The following TTC28 variants were observed in gnomAD, a reference collection of about 807,000 sequenced individuals.
TTC28 encodes tetratricopeptide repeat protein 28.
Under a neutral mutation model 198.0 loss-of-function variants are expected in TTC28, and 61 were observed. The ratio of observed to expected loss-of-function variants is 0.31; its 90% CI spans 0.25 to 0.38. TTC28 has a LOEUF of 0.38. Ranked by LOEUF, TTC28 falls within the 10% of genes least tolerant of loss-of-function variation. TTC28 has a pLI of 1.00. For missense variants in TTC28, 2,678 were observed against 3,164.0 expected (o/e 0.85, Z 3.69); for synonymous variants, 1,171 against 1,297.8 (o/e 0.90, Z 2.10).
chr22:28,528,135 T>A (rs530452317), intron 2 of TTC28, among the ~76,000 whole-genome samples: 259 of 152,332 alleles, frequency 1.7e-3, no homozygotes, highest in African/African-American at 5.9e-3. Context: ...TGGGGTAGAA[T>A]GAAAAGCACA....
intron 5 of TTC28, among the ~76,000 whole-genome samples, chr22:28,252,251 C>T (rs1290031515): frequency 2.0e-5 from 3 of 152,200 alleles, no homozygotes; most frequent in Non-Finnish European, 2.9e-5. Context: ...CTAACAAAAA[C>T]AGAGCTTTAA....
intron 7 of TTC28, among the ~76,000 whole-genome samples, chr22:28,106,056 G>A (rs1435302148): frequency 2.0e-5 from 3 of 152,166 alleles, no homozygotes; most frequent in Non-Finnish European, 2.9e-5. Flanking sequence ...CACCCCAGAG[G>A]AAACATAAAA....
intron 1 of TTC28, among the ~76,000 whole-genome samples, chr22:28,633,287 A>AAAAAAG (rs532563718): frequency 3.3e-5 from 5 of 151,758 alleles, no homozygotes; most frequent in Admixed American, 6.6e-5. Context: ...TCTCAAAAAA[A>AAAAAAG]AAAAAGAAAA....
At chr22:28,158,527 T>C (rs1487445157) in intron 6 of TTC28, among the ~76,000 whole-genome samples, 1 of 152,092 alleles carries the variant, frequency 6.6e-6, no homozygotes, top group East Asian at 1.9e-4. Context: ...TACAAAGCTA[T>C]AGTAACCAAA....
chr22:28,086,931 G>A (rs1405761852), intron 12 of TTC28, among the ~76,000 whole-genome samples: 4 of 152,030 alleles, frequency 2.6e-5, no homozygotes, highest in African/African-American at 4.8e-5. Context: ...TAAATTCCTC[G>A]ACACATACAC....
chr22:28,586,822 T>G (rs978111289), intron 2 of TTC28, among the ~76,000 whole-genome samples: 1 of 152,232 alleles, frequency 6.6e-6, no homozygotes, highest in Non-Finnish European at 1.5e-5. Context: ...ATCAAAATTC[T>G]TTGGATATCT....
chr22:28,593,431 A>G (rs1016279879), intron 2 of TTC28, among the ~76,000 whole-genome samples: 2 of 152,112 alleles, frequency 1.3e-5, no homozygotes, highest in African/African-American at 2.4e-5. Flanking sequence ...GCAACCAGAT[A>G]GACAGACAGG....
intron 2 of TTC28, among the ~76,000 whole-genome samples, chr22:28,425,276 T>C (rs1348914712): frequency 6.6e-6 from 1 of 152,220 alleles, no homozygotes; most frequent in Non-Finnish European, 1.5e-5. Context: ...ACAAGCCTAT[T>C]ATACAAATGT....
At chr22:28,300,284 C>A (rs185817219) in intron 3 of TTC28, among the ~76,000 whole-genome samples, 1 of 152,154 alleles carries the variant, frequency 6.6e-6, no homozygotes, top group Non-Finnish European at 1.5e-5. Context: ...AAACTGACAG[C>A]CCAAACTGAC....
At chr22:28,643,965 T>G (rs9625521) in intron 1 of TTC28, among the ~76,000 whole-genome samples, 20,778 of 152,214 alleles carry the variant, frequency 0.14, 1,674 homozygotes, top group African/African-American at 0.2. Flanking sequence ...TAAATAACTT[T>G]ACTATCAAAA....
At chr22:28,039,094 T>C (rs967388486) in intron 12 of TTC28, among the ~76,000 whole-genome samples, 18 of 152,164 alleles carry the variant, frequency 1.2e-4, no homozygotes, top group African/African-American at 3.9e-4. Flanking sequence ...AGTTCAACCA[T>C]TGTGGAAGTC....
At chr22:28,127,911 T>TG (rs749726157) in intron 6 of TTC28, among the ~76,000 whole-genome samples, 3,256 of 149,558 alleles carry the variant, frequency 0.022, 57 homozygotes, top group Non-Finnish European at 0.033. Flanking sequence ...TTTTTTTTTT[T>TG]GGGGGTGGGA....
chr22:28,247,493 G>A (rs374308987), intron 5 of TTC28, among the ~76,000 whole-genome samples: 10 of 150,792 alleles, frequency 6.6e-5, no homozygotes, highest in South Asian at 6.2e-4. Context: ...AGATGTAGTC[G>A]AGCCTTTAGG....
chr22:28,197,277 G>C lies in TTC28; in HGVS notation c.934-33678C>G, dbSNP rs898448183. Among the ~76,000 whole-genome samples, 142 of 121,560 alleles carry C rather than the reference G, an allele frequency of 1.2e-3. 1 individual carries two copies. The highest frequency in any genetic ancestry group is 4.2e-3 in the African/African-American group (138 of 32,814). 79.7% of individuals were successfully genotyped at this position (121,560 alleles called of 152,430 possible). A position where few individuals can be genotyped will look rare whatever the true frequency, so the allele number is the denominator to read the frequency against. ...CACACACCGGGGACTGTTGTGGGGTGGGGGGAGGGGAGAGGAGAGGGATAG... is the reference window on the plus strand; with the variant it reads ...CACACACCGGGGACTGTTGTGGGGTCGGGGGAGGGGAGAGGAGAGGGATAG... On this transcript the variant is annotated intron_variant, in intron 5 of 22. Coordinates refer to ENST00000397906, the MANE Select transcript of TTC28 (RefSeq NM_001145418.2).
At chr22:28,657,488 C>A (rs2051677732) in intron 1 of TTC28, among the ~76,000 whole-genome samples, 1 of 152,212 alleles carries the variant, frequency 6.6e-6, no homozygotes, top group Non-Finnish European at 1.5e-5. Context: ...ACAAAATAAT[C>A]TTCCACACTG....
intron 1 of TTC28, among the ~76,000 whole-genome samples, chr22:28,653,526 AC>A (rs1451625792): frequency 1.3e-5 from 2 of 151,256 alleles, no homozygotes; most frequent in African/African-American, 4.9e-5. Context: ...AACCAACCCT[AC>A]CATAAATCCT....
chr22:28,377,043 C>A (rs2046421654), intron 2 of TTC28, among the ~76,000 whole-genome samples: 1 of 150,884 alleles, frequency 6.6e-6, no homozygotes. Flanking sequence ...TAGGACGTAA[C>A]AGATTCTAAA....
chr22:28,375,984 G>T (rs568749043), intron 2 of TTC28, among the ~76,000 whole-genome samples: 1 of 152,282 alleles, frequency 6.6e-6, no homozygotes, highest in South Asian at 2.1e-4. Context: ...ACCATTGGCT[G>T]CCCTGGTTCT....
chr22:28,193,826 G>T (rs1028718886), intron 5 of TTC28, among the ~76,000 whole-genome samples: 1 of 151,884 alleles, frequency 6.6e-6, no homozygotes, highest in South Asian at 2.1e-4. Flanking sequence ...AGACTCCCAC[G>T]CAAGAATAAT....
Sources: gnomAD v4.1 joint callset for allele counts (sites outside exome capture counted in the v4.1 genomes callset) on GRCh38, gnomAD v4.1.1 for gene constraint, MANE v1.5 for transcripts, NCBI Gene and HGNC (gene_info 2026-07-23, HGNC 2026-07-21) for gene names.